COL6A5: variants seen among roughly 807,000 people sequenced by gnomAD.
The protein encoded by COL6A5 is collagen alpha-5(VI) chain.
In COL6A5, 48 loss-of-function variants were observed where a neutral mutation model predicts 65.6. The ratio of observed to expected loss-of-function variants is 0.73; its 90% CI spans 0.58 to 0.93. COL6A5 has a LOEUF of 0.93. COL6A5 is among the 40% of genes least tolerant of loss of function. COL6A5 has a pLI of 0.00. For missense variants in COL6A5, 914 were observed against 928.3 expected, an observed-to-expected ratio of 0.98 and a Z score of 0.20; for synonymous variants, 291 against 322.8, an observed-to-expected ratio of 0.90 and a Z score of 1.05.
intron 19 of COL6A5, 35 bp downstream of exon 19, chr3:130,410,109 T>C (rs759704417): frequency 2.0e-5 from 28 of 1,425,904 alleles, no homozygotes; most frequent in Non-Finnish European, 5.8e-6. Flanking sequence ...AGTTGATTAA[T>C]TCTGTTATTG....
chr3:130,382,824 G>A (rs76564604), intron 4 of COL6A5, among the ~76,000 whole-genome samples: 1,883 of 152,162 alleles, frequency 0.012, 42 homozygotes, highest in African/African-American at 0.043. Flanking sequence ...AAACTCAAGC[G>A]ACTGATGTAT....
exon 6 of COL6A5, chr3:130,469,315 C>T (rs377505821): frequency 1.9e-6 from 3 of 1,612,932 alleles, no homozygotes; most frequent in East Asian, 2.2e-5. Context: ...AGTGTCAAGG[C>T]TACTCCATAT....
In COL6A5 at chr3:130,421,488, C is replaced by T. The variant is rs1183486510; in HGVS notation, c.5037+128C>T. ...ACCAAGGACAGTTGTTTTCCTTGGG[C>T]TTCCTGAGGAAAGAATCATATTTAA... On this transcript the variant is annotated intron_variant and NMD_transcript_variant, in intron 27 of 41. Coordinates refer to the COL6A5 transcript ENST00000312481. 4 of 834,278 alleles carry T rather than the reference C, an allele frequency of 4.8e-6. No homozygotes were observed. In the East Asian group the frequency reaches 1.1e-4, roughly 22 times the overall value. 51.7% of individuals were successfully genotyped at this position (834,278 alleles called of 1,614,324 possible).
intron 5 of COL6A5, among the ~76,000 whole-genome samples, chr3:130,455,912 T>C (rs1709560735): frequency 6.6e-6 from 1 of 152,134 alleles, no homozygotes; most frequent in Non-Finnish European, 1.5e-5. Context: ...TTAAGATTTC[T>C]CTAGCATCCA....
At chr3:130,363,801 C>T (rs1482403135) in intron 1 of COL6A5, among the ~76,000 whole-genome samples, 1 of 152,138 alleles carries the variant, frequency 6.6e-6, no homozygotes, top group Non-Finnish European at 1.5e-5. Context: ...CCACATTGCA[C>T]CTTCAGCCAT....
chr3:130,395,264 G>T, exon 8 of COL6A5: 3 of 1,551,664 alleles, frequency 1.9e-6, no homozygotes, highest in Non-Finnish European at 2.6e-6. Context: ...TCGCTATGAT[G>T]TGGCAGATGC....
At chr3:130,359,751 T>C (rs1005063262) in intron 1 of COL6A5, among the ~76,000 whole-genome samples, 2 of 152,122 alleles carry the variant, frequency 1.3e-5, no homozygotes, top group East Asian at 3.9e-4. Flanking sequence ...CTGTGGCTGC[T>C]TTTGGAAGGG....
At chr3:130,411,615 G>A (rs956602529) in intron 20 of COL6A5, among the ~76,000 whole-genome samples, 2 of 152,108 alleles carry the variant, frequency 1.3e-5, no homozygotes, top group Non-Finnish European at 2.9e-5. Context: ...TGTAATAAGA[G>A]GAAGCAGTAG....
At chr3:130,360,289 T>C (rs1255559350) in intron 1 of COL6A5, among the ~76,000 whole-genome samples, 8 of 152,134 alleles carry the variant, frequency 5.3e-5, no homozygotes, top group Admixed American at 5.2e-4. Flanking sequence ...TAATGCCAAT[T>C]TTTAATAATT....
chr3:130,383,096 A>G (rs745741261), intron 4 of COL6A5, among the ~76,000 whole-genome samples: 1 of 152,104 alleles, frequency 6.6e-6, no homozygotes, highest in Admixed American at 6.6e-5. Context: ...TTATATATGT[A>G]TCTGTATATA....
Position 130,423,902 on chromosome 3 carries a change from T to C in COL6A5, c.5163+2T>C. 1 of 1,546,770 alleles carries C rather than the reference T, an allele frequency of 6.5e-7. No homozygotes were observed. Among genetic ancestry groups the C allele is most frequent in the Non-Finnish European group, 8.7e-7 (1 of 1,143,078 alleles). ...CTCCCAGGCCCTCCTGGACAGAGAG[T>C]AAGTGTATCCATAAGAACTAAATAG... On this transcript the variant is annotated splice_donor_variant and NMD_transcript_variant, in intron 29 of 41. Coordinates refer to the COL6A5 transcript ENST00000312481.
intron 1 of COL6A5, among the ~76,000 whole-genome samples, chr3:130,354,196 A>G (rs1258743136): frequency 6.6e-6 from 1 of 152,206 alleles, no homozygotes; most frequent in African/African-American, 2.4e-5. Flanking sequence ...CAAGCAGGAA[A>G]GAAAAAATAA....
chr3:130,443,891 T>C (rs1709244257), intron 4 of COL6A5, among the ~76,000 whole-genome samples: 1 of 152,168 alleles, frequency 6.6e-6, no homozygotes, highest in African/African-American at 2.4e-5. Context: ...CCATGAGTTC[T>C]GGTCACACTG....
exon 5 of COL6A5, chr3:130,455,500 C>G (rs765080229): frequency 2.5e-6 from 4 of 1,612,488 alleles, no homozygotes; most frequent in Admixed American, 3.3e-5. Context: ...GTAATGGCTT[C>G]ATTGGCCAAG....
intron 28 of COL6A5, among the ~76,000 whole-genome samples, chr3:130,423,542 C>T (rs1445013653): frequency 6.6e-6 from 1 of 151,996 alleles, no homozygotes; most frequent in East Asian, 1.9e-4. Flanking sequence ...GTCTGTGTAC[C>T]CTCATATATT....
chr3:130,481,255 T>G (rs2107628120), intron 7 of COL6A5, among the ~76,000 whole-genome samples: 1 of 151,124 alleles, frequency 6.6e-6, no homozygotes, highest in African/African-American at 2.4e-5. Context: ...GTCCATGTAT[T>G]CTCATTGTTC....
At chr3:130,375,704 T>C (rs535188464) in intron 2 of COL6A5, among the ~76,000 whole-genome samples, 1 of 152,172 alleles carries the variant, frequency 6.6e-6, no homozygotes, top group South Asian at 2.1e-4. Flanking sequence ...CCAGCAAAAT[T>C]ACAATCATGG....
chr3:130,443,685 A>G (rs529157426), intron 4 of COL6A5, 119 bp downstream of exon 36: 2 of 536,046 alleles, frequency 3.7e-6, no homozygotes, highest in Non-Finnish European at 6.7e-6. Context: ...TAGACATTTT[A>G]TGTATTCCAT....
At chr3:130,425,030 A>G (rs1222361673) in intron 29 of COL6A5, among the ~76,000 whole-genome samples, 1 of 152,128 alleles carries the variant, frequency 6.6e-6, no homozygotes, top group African/African-American at 2.4e-5. Flanking sequence ...GATTCTCTGT[A>G]AAATGTGGAC....
Sources: allele counts gnomAD v4.1 joint callset (sites outside exome capture counted in the v4.1 genomes callset), GRCh38; gene constraint gnomAD v4.1.1; transcripts MANE v1.5; gene names NCBI Gene and HGNC (gene_info 2026-07-23, HGNC 2026-07-21).